The following NALF1 variants were observed in gnomAD, a reference collection of about 807,000 sequenced individuals.
The protein encoded by NALF1 is family with sequence similarity 155 member A.
In NALF1, 3 loss-of-function variants were observed where a neutral mutation model predicts 48.4. The ratio of observed to expected loss-of-function variants is 0.06; its 90% CI spans 0.03 to 0.16. The LOEUF is 0.16. Ranked by LOEUF, NALF1 falls within the 10% of genes least tolerant of loss-of-function variation. The pLI is 1.00. For missense variants in NALF1, 526 were observed against 571.5 expected, an observed-to-expected ratio of 0.92 and a Z score of 0.81; for synonymous variants, 262 against 245.7, an observed-to-expected ratio of 1.07 and a Z score of -0.62.
At chr13:107,831,963 G>C (rs953874335) in intron 1 of NALF1, among the ~76,000 whole-genome samples, 19 of 152,034 alleles carry the variant, frequency 1.2e-4, no homozygotes, top group African/African-American at 4.6e-4. Context: ...TCAATTGTTT[G>C]AGGAAAAAAA....
chr13:107,797,379 T>C (rs1301670136), intron 1 of NALF1, among the ~76,000 whole-genome samples: 1 of 152,004 alleles, frequency 6.6e-6, no homozygotes, highest in Non-Finnish European at 1.5e-5. Flanking sequence ...CTAATTTTTT[T>C]TTCGTATTTT....
At chr13:107,458,434 C>T (rs1048987459) in intron 1 of NALF1, among the ~76,000 whole-genome samples, 1 of 152,212 alleles carries the variant, frequency 6.6e-6, no homozygotes, top group Non-Finnish European at 1.5e-5. Context: ...GGCCGCCTGA[C>T]ATGGTAACCA....
intron 1 of NALF1, among the ~76,000 whole-genome samples, chr13:107,254,750 T>C (rs1880778201): frequency 6.6e-6 from 1 of 152,198 alleles, no homozygotes; most frequent in Non-Finnish European, 1.5e-5. Flanking sequence ...GATGTCAACA[T>C]CCCCAGTGCA....
intron 1 of NALF1, among the ~76,000 whole-genome samples, chr13:107,227,051 A>G (rs1196622370): frequency 6.6e-6 from 1 of 152,218 alleles, no homozygotes; most frequent in Non-Finnish European, 1.5e-5. Context: ...TCTTTTGACA[A>G]AACAGAAGAA....
At chr13:107,374,437 ATAATT>A (rs1202533183) in intron 1 of NALF1, among the ~76,000 whole-genome samples, 1 of 152,244 alleles carries the variant, frequency 6.6e-6, no homozygotes, top group Admixed American at 6.5e-5. Context: ...ATTCTAAAAT[ATAATT>A]TATTTCTCAA....
At chr13:107,697,584 T>C (rs1434943388) in intron 1 of NALF1, among the ~76,000 whole-genome samples, 1 of 152,140 alleles carries the variant, frequency 6.6e-6, no homozygotes, top group Non-Finnish European at 1.5e-5. Context: ...TTGTGTCTTT[T>C]GTTTGGTCCT....
At chr13:107,198,180 C>G (rs1879433118) in intron 2 of NALF1, among the ~76,000 whole-genome samples, 1 of 152,132 alleles carries the variant, frequency 6.6e-6, no homozygotes, top group Admixed American at 6.5e-5. Flanking sequence ...GCAGAAACTA[C>G]AGAGAGTGGC....
At chr13:107,536,058 C>T (rs1425361675) in intron 1 of NALF1, among the ~76,000 whole-genome samples, 1 of 152,122 alleles carries the variant, frequency 6.6e-6, no homozygotes, top group East Asian at 1.9e-4. Flanking sequence ...CTACCTTACA[C>T]CTTATACAAA....
chr13:107,570,293 C>T (rs1877947427), intron 1 of NALF1, among the ~76,000 whole-genome samples: 1 of 151,956 alleles, frequency 6.6e-6, no homozygotes, highest in Non-Finnish European at 1.5e-5. Flanking sequence ...ATCATTCATT[C>T]TTCCACCATA....
At chr13:107,766,714 A>G (rs1877427439) in intron 1 of NALF1, among the ~76,000 whole-genome samples, 1 of 152,208 alleles carries the variant, frequency 6.6e-6, no homozygotes, top group Non-Finnish European at 1.5e-5. Context: ...TTGAAAATAG[A>G]AGACAAATTT....
At chr13:107,729,610 G>A (rs1244352901) in intron 1 of NALF1, among the ~76,000 whole-genome samples, 1 of 151,938 alleles carries the variant, frequency 6.6e-6, no homozygotes, top group Non-Finnish European at 1.5e-5. Flanking sequence ...CTGAGTAGCT[G>A]AGATTACAGG....
intron 1 of NALF1, among the ~76,000 whole-genome samples, chr13:107,682,515 C>G (rs1395878770): frequency 6.6e-6 from 1 of 152,126 alleles, no homozygotes; most frequent in African/African-American, 2.4e-5. Context: ...ACATTCAGCT[C>G]AAATATTTCA....
At chr13:107,769,294 T>C (rs1321358840) in intron 1 of NALF1, among the ~76,000 whole-genome samples, 2 of 149,264 alleles carry the variant, frequency 1.3e-5, no homozygotes, top group African/African-American at 4.9e-5. Flanking sequence ...CCAACCCAAA[T>C]GTCCAACAAT....
intron 1 of NALF1, among the ~76,000 whole-genome samples, chr13:107,767,819 A>C (rs1877457112): frequency 6.6e-6 from 1 of 152,210 alleles, no homozygotes; most frequent in African/African-American, 2.4e-5. Context: ...ACCCTGCTCT[A>C]GCATATACTT....
chr13:107,326,631 G>C (rs1051762282), intron 1 of NALF1, among the ~76,000 whole-genome samples: 1 of 152,286 alleles, frequency 6.6e-6, no homozygotes, highest in Admixed American at 6.5e-5. Flanking sequence ...TATAATGGGC[G>C]TTGTATTACT....
chr13:107,331,400 T>C (rs976922485), intron 1 of NALF1, among the ~76,000 whole-genome samples: 1 of 152,158 alleles, frequency 6.6e-6, no homozygotes, highest in African/African-American at 2.4e-5. Context: ...GTTCTTATGA[T>C]CCTATACTTT....
intron 1 of NALF1, among the ~76,000 whole-genome samples, chr13:107,693,512 CAA>C (rs1206465217): frequency 2.0e-5 from 3 of 151,012 alleles, no homozygotes; most frequent in Non-Finnish European, 2.9e-5. Flanking sequence ...CTGGAATAAA[CAA>C]GAGGTAGGAA....
At chr13:107,629,065 C>T (rs929480899) in intron 1 of NALF1, among the ~76,000 whole-genome samples, 1 of 152,126 alleles carries the variant, frequency 6.6e-6, no homozygotes. Flanking sequence ...CTCTTACAAC[C>T]ACACAGTGTT....
chr13:107,600,214 A>G (rs1195149208), intron 1 of NALF1, among the ~76,000 whole-genome samples: 1 of 152,252 alleles, frequency 6.6e-6, no homozygotes, highest in African/African-American at 2.4e-5. Flanking sequence ...ACAGCAATGC[A>G]GCAATAAAAT....
Sources: allele counts gnomAD v4.1 joint callset (sites outside exome capture counted in the v4.1 genomes callset), GRCh38; gene constraint gnomAD v4.1.1; transcripts MANE v1.5; gene names NCBI Gene and HGNC (gene_info 2026-07-23, HGNC 2026-07-21).